The following NRXN3 variants were observed in gnomAD, a reference collection of about 807,000 sequenced individuals.
The protein encoded by NRXN3 is neurexin III.
In NRXN3, 32 loss-of-function variants were observed where a neutral mutation model predicts 137.6. That is an observed-to-expected ratio of 0.23 (90% CI 0.18 to 0.31). NRXN3 has a LOEUF of 0.31. NRXN3 is among the 10% of genes least tolerant of loss of function. The pLI, the probability that NRXN3 is intolerant of heterozygous loss-of-function variation, is 1.00. For synonymous variants in NRXN3, 798 were observed against 784.5 expected (o/e 1.02, Z -0.29); for missense variants, 1,574 against 2,062.5 (o/e 0.76, Z 4.59).
chr14:79,147,908 C>A (rs1166622039), intron 15 of NRXN3, among the ~76,000 whole-genome samples: 3 of 152,100 alleles, frequency 2.0e-5, no homozygotes, highest in Admixed American at 2.0e-4. Context: ...TTCCTCTTGC[C>A]ACTGCGCTGA....
chr14:79,206,568 G>C (rs961087239), intron 15 of NRXN3, among the ~76,000 whole-genome samples: 2 of 152,202 alleles, frequency 1.3e-5, no homozygotes, highest in Admixed American at 6.5e-5. Context: ...CTAGCCTGAA[G>C]AGTAGGCATG....
intron 16 of NRXN3, among the ~76,000 whole-genome samples, chr14:79,523,795 C>T (rs1000779431): frequency 2.0e-5 from 3 of 152,150 alleles, no homozygotes; most frequent in Non-Finnish European, 4.4e-5. Flanking sequence ...GTTTTAGACC[C>T]AGAGCAGATT....
intron 15 of NRXN3, among the ~76,000 whole-genome samples, chr14:79,138,947 A>G (rs1307357068): frequency 6.6e-6 from 1 of 152,190 alleles, no homozygotes; most frequent in East Asian, 1.9e-4. Flanking sequence ...GGAGATGGGG[A>G]TGGATTTCCA....
chr14:79,074,184 A>G (rs1174159617), intron 15 of NRXN3, among the ~76,000 whole-genome samples: 1 of 152,188 alleles, frequency 6.6e-6, no homozygotes, highest in Non-Finnish European at 1.5e-5. Context: ...CATTTCTACA[A>G]ACTAGCTCTG....
At chr14:78,990,670 G>A (rs2099517015) in intron 15 of NRXN3, among the ~76,000 whole-genome samples, 1 of 152,012 alleles carries the variant, frequency 6.6e-6, no homozygotes, top group South Asian at 2.1e-4. Context: ...TCTTAGTTGT[G>A]GAGTGTGATA....
At chr14:79,319,170 C>T (rs1043602954) in intron 15 of NRXN3, among the ~76,000 whole-genome samples, 2 of 152,138 alleles carry the variant, frequency 1.3e-5, no homozygotes, top group Admixed American at 6.5e-5. Context: ...ACTTGGAATC[C>T]ACATTCCCTT....
chr14:78,225,978 TG>T (rs1567013274), intron 1 of NRXN3, among the ~76,000 whole-genome samples: 1,969 of 123,678 alleles, frequency 0.016, 39 homozygotes, highest in African/African-American at 0.046. Context: ...TGTGTTGGTG[TG>T]TGTGTGTGTG....
intron 8 of NRXN3, among the ~76,000 whole-genome samples, chr14:78,801,461 G>T (rs764661571): frequency 1.3e-5 from 2 of 152,070 alleles, no homozygotes; most frequent in African/African-American, 4.8e-5. Flanking sequence ...TTCACAAGGC[G>T]GCAGGAGAGA....
At chr14:78,507,608 C>T (rs1363184349) in intron 4 of NRXN3, among the ~76,000 whole-genome samples, 2 of 152,196 alleles carry the variant, frequency 1.3e-5, no homozygotes, top group Admixed American at 6.5e-5. Context: ...CACCCTTCCA[C>T]GTCCTTAAAG....
At chr14:78,189,845 G>A (rs953354250) in intron 1 of NRXN3, among the ~76,000 whole-genome samples, 1 of 152,122 alleles carries the variant, frequency 6.6e-6, no homozygotes, top group Non-Finnish European at 1.5e-5. Flanking sequence ...GCCATTTCAT[G>A]TTCCCAGGTC....
intron 1 of NRXN3, among the ~76,000 whole-genome samples, chr14:78,239,073 G>A (rs1235641532): frequency 1.3e-5 from 2 of 152,236 alleles, no homozygotes; most frequent in Non-Finnish European, 2.9e-5. Flanking sequence ...TTGTGTGGAG[G>A]CCACTGCATG....
chr14:79,802,735 C>G (rs2099186733), intron 19 of NRXN3, among the ~76,000 whole-genome samples: 1 of 152,144 alleles, frequency 6.6e-6, no homozygotes, highest in South Asian at 2.1e-4. Context: ...TTATAGGGCC[C>G]CCTCTCAGCA....
chr14:78,300,411 C>T (rs1440108778), intron 4 of NRXN3, among the ~76,000 whole-genome samples: 1 of 152,244 alleles, frequency 6.6e-6, no homozygotes, highest in Non-Finnish European at 1.5e-5. Flanking sequence ...GGAGCTTGAA[C>T]ATGAAGCTGA....
At chr14:78,729,235 C>T (rs73317941) in intron 8 of NRXN3, among the ~76,000 whole-genome samples, 1,781 of 152,216 alleles carry the variant, frequency 0.012, 27 homozygotes, top group East Asian at 0.046. Context: ...TTTCCATAGT[C>T]GCAATGTTAG....
At chr14:79,159,850 A>G (rs1392909304) in intron 15 of NRXN3, among the ~76,000 whole-genome samples, 1 of 151,900 alleles carries the variant, frequency 6.6e-6, no homozygotes, top group East Asian at 1.9e-4. Flanking sequence ...GTACAAGTTT[A>G]TTTTGCTACA....
chr14:79,368,939 C>A (rs189758909), intron 15 of NRXN3, among the ~76,000 whole-genome samples: 1 of 152,294 alleles, frequency 6.6e-6, no homozygotes, highest in Admixed American at 6.5e-5. Flanking sequence ...CAGCCAAATT[C>A]TCTGGCAGGA....
intron 4 of NRXN3, among the ~76,000 whole-genome samples, chr14:78,388,904 A>AT (rs915908096): frequency 6.6e-5 from 10 of 151,912 alleles, no homozygotes; most frequent in African/African-American, 2.4e-4. Context: ...TCAATTCATC[A>AT]TTTTTTATAT....
At chr14:79,746,112 T>TA (rs2098978876) in intron 19 of NRXN3, among the ~76,000 whole-genome samples, 2 of 152,274 alleles carry the variant, frequency 1.3e-5, no homozygotes, top group Admixed American at 1.3e-4. Flanking sequence ...TAGACCTCTC[T>TA]AGTTTTACTC....
intron 10 of NRXN3, among the ~76,000 whole-genome samples, chr14:78,844,909 C>T (rs2099022306): frequency 6.6e-6 from 1 of 152,000 alleles, no homozygotes; most frequent in African/African-American, 2.4e-5. Context: ...GTTGGCCATG[C>T]CTCATTTAAT....
Sources: gnomAD v4.1 joint callset for allele counts (sites outside exome capture counted in the v4.1 genomes callset) on GRCh38, gnomAD v4.1.1 for gene constraint, MANE v1.5 for transcripts, NCBI Gene and HGNC (gene_info 2026-07-23, HGNC 2026-07-21) for gene names.